The following PPARGC1A variants were observed in gnomAD, a reference collection of about 807,000 sequenced individuals.
The protein encoded by PPARGC1A is peroxisome proliferator-activated receptor gamma coactivator 1-alpha.
PPARGC1A carries 25 observed loss-of-function variants against 88.7 expected under a neutral mutation model. That is an observed-to-expected ratio of 0.28 (90% CI 0.21 to 0.39). The LOEUF (loss-of-function observed/expected upper bound fraction) is 0.39, where lower values mean the gene tolerates loss of function less well. Ranked by LOEUF, PPARGC1A falls within the 10% of genes least tolerant of loss-of-function variation. PPARGC1A has a pLI of 1.00. For synonymous variants in PPARGC1A, 363 were observed against 355.6 expected (o/e 1.02, Z -0.24); for missense variants, 880 against 968.7 (o/e 0.91, Z 1.22).
chr4:23,968,479 C>A, the PPARGC1A span, among the ~76,000 whole-genome samples: 42 of 152,144 alleles, frequency 2.8e-4, no homozygotes, highest in Non-Finnish European at 5.4e-4. Flanking sequence ...CCCTTCCACA[C>A]CTAACGTAAC....
the PPARGC1A span, among the ~76,000 whole-genome samples, chr4:24,177,544 C>T: frequency 5.0e-3 from 762 of 151,300 alleles, 10 homozygotes; most frequent in African/African-American, 0.018. Context: ...TGCAGCACAC[C>T]AACATGGCAC....
the PPARGC1A span, among the ~76,000 whole-genome samples, chr4:24,472,601 T>C: frequency 2.0e-5 from 3 of 151,116 alleles, no homozygotes; most frequent in Admixed American, 6.6e-5. This position sits in a 1 kb window ranked among gnomAD's most constrained non-coding sequence, Gnocchi z 4.5. Flanking sequence ...GGGAAGGGAA[T>C]GGCAAAGGGA....
the PPARGC1A span, among the ~76,000 whole-genome samples, chr4:24,070,218 C>T: frequency 2.0e-5 from 3 of 152,234 alleles, no homozygotes; most frequent in Non-Finnish European, 2.9e-5. Flanking sequence ...CTTCTCTTCA[C>T]TGGGCCTACT....
the PPARGC1A span, among the ~76,000 whole-genome samples, chr4:24,196,139 C>A: frequency 8.5e-5 from 13 of 152,138 alleles, no homozygotes; most frequent in Non-Finnish European, 1.6e-4. Context: ...AATGCCACCA[C>A]CCTCATCCTG....
At chr4:24,403,558 T>G in the PPARGC1A span, among the ~76,000 whole-genome samples, 3 of 152,130 alleles carry the variant, frequency 2.0e-5, no homozygotes, top group African/African-American at 7.2e-5. Context: ...TGTCACCTCA[T>G]CTCTGATTGA....
At chr4:23,889,402 T>C in intron 1 of PPARGC1A, 1 of 980,728 alleles carries the variant, frequency 1.0e-6, no homozygotes, top group Non-Finnish European at 1.2e-6. Flanking sequence ...CCCAGCAGGA[T>C]TATTTAGGAT....
the PPARGC1A span, among the ~76,000 whole-genome samples, chr4:24,351,393 C>CAA: frequency 1.0e-3 from 88 of 87,172 alleles, no homozygotes; most frequent in African/African-American, 2.4e-3. Flanking sequence ...GATCCTGTCT[C>CAA]AAAAAAAAAA....
rs200996785 is a variant in PPARGC1A at position 23,796,338 on chromosome 4, GAGAA to G, written c.2294-417_2294-414del. ...GAGCATAAAATCCAGTAGAGTATGA[GAGAA>G]AGAATCATGAGAATTTCCCCTAAAC... On this transcript the variant is annotated intron_variant, in intron 12 of 12. Transcript: ENST00000264867. 9.1e-3 allele frequency among the ~76,000 whole-genome samples: 1,387 copies of G among 152,252 alleles called. 9 individuals carry two copies. Among genetic ancestry groups the G allele is most frequent in the Middle Eastern group, 0.017 (5 of 294 alleles).
chr4:23,990,924 C>T, the PPARGC1A span, among the ~76,000 whole-genome samples: 2 of 152,086 alleles, frequency 1.3e-5, no homozygotes, highest in East Asian at 3.9e-4. Flanking sequence ...AACTGTTCTC[C>T]AAAGCACTGA....
chr4:24,433,461 C>T, the PPARGC1A span, among the ~76,000 whole-genome samples: 1 of 152,140 alleles, frequency 6.6e-6, no homozygotes, highest in Non-Finnish European at 1.5e-5. Context: ...GTTTCATAAA[C>T]TAGGAAAATC....
At chr4:24,101,814 T>G in the PPARGC1A span, among the ~76,000 whole-genome samples, 1 of 152,236 alleles carries the variant, frequency 6.6e-6, no homozygotes, top group Non-Finnish European at 1.5e-5. Flanking sequence ...AATACGTTCA[T>G]GGATTCGAAA....
the PPARGC1A span, among the ~76,000 whole-genome samples, chr4:24,454,586 T>A: frequency 6.6e-6 from 1 of 151,580 alleles, no homozygotes; most frequent in Non-Finnish European, 1.5e-5. Flanking sequence ...AAAAATTTTT[T>A]AAATAGCTGA....
At chr4:24,113,831 T>A in the PPARGC1A span, among the ~76,000 whole-genome samples, 2 of 151,856 alleles carry the variant, frequency 1.3e-5, no homozygotes, top group African/African-American at 4.8e-5. Context: ...CTGAGAATAA[T>A]AGAGAAGAGG....
the PPARGC1A span, among the ~76,000 whole-genome samples, chr4:24,089,734 G>T: frequency 0.082 from 12,507 of 151,834 alleles, 594 homozygotes; most frequent in East Asian, 0.17. Flanking sequence ...GGATGGTCTC[G>T]ATCTCCTGAC....
the PPARGC1A span, among the ~76,000 whole-genome samples, chr4:24,074,871 G>A: frequency 1.3e-5 from 2 of 152,046 alleles, no homozygotes; most frequent in African/African-American, 2.4e-5. Flanking sequence ...GCAATAAATG[G>A]GACACTCACA....
At chr4:24,211,621 C>T in the PPARGC1A span, among the ~76,000 whole-genome samples, 54 of 152,222 alleles carry the variant, frequency 3.5e-4, no homozygotes, top group East Asian at 9.5e-3. Context: ...GGCCAGATCT[C>T]GAGATCTGGA....
the PPARGC1A span, among the ~76,000 whole-genome samples, chr4:24,085,827 C>T: frequency 3.3e-5 from 5 of 152,144 alleles, no homozygotes; most frequent in Admixed American, 6.5e-5. Flanking sequence ...CCTATAAGCT[C>T]TGGATCCAGG....
chr4:23,892,495 T>G (rs1326970822), upstream of PPARGC1A, among the ~76,000 whole-genome samples: 2 of 152,038 alleles, frequency 1.3e-5, no homozygotes, highest in African/African-American at 4.8e-5. Flanking sequence ...TTTAGAGGTT[T>G]TATAATTTTG....
At chr4:23,977,312 A>G in the PPARGC1A span, among the ~76,000 whole-genome samples, 1 of 152,194 alleles carries the variant, frequency 6.6e-6, no homozygotes, top group Admixed American at 6.5e-5. Context: ...CATATTTGCC[A>G]CCCAGTAGCT....
Sources: allele counts gnomAD v4.1 joint callset (sites outside exome capture counted in the v4.1 genomes callset), GRCh38; gene constraint gnomAD v4.1.1; non-coding constraint Gnocchi (gnomAD v3.1); transcripts MANE v1.5; gene names NCBI Gene and HGNC (gene_info 2026-07-23, HGNC 2026-07-21).